PAX5: variants seen among roughly 807,000 people sequenced by gnomAD.
PAX5 encodes the protein paired box protein Pax-5.
Under a neutral mutation model 43.7 loss-of-function variants are expected in PAX5, and 9 were observed. That is an observed-to-expected ratio of 0.21 (90% CI 0.12 to 0.36). The LOEUF (loss-of-function observed/expected upper bound fraction) is 0.36. Ranked by LOEUF, PAX5 falls within the 10% of genes least tolerant of loss-of-function variation. The pLI is 1.00. For synonymous variants in PAX5, 228 were observed against 214.3 expected, an observed-to-expected ratio of 1.06 and a Z score of -0.56; for missense variants, 383 against 532.7, an observed-to-expected ratio of 0.72 and a Z score of 2.77.
chr9:36,887,364 G>A (rs993915670), intron 7 of PAX5, among the ~76,000 whole-genome samples: 10 of 152,160 alleles, frequency 6.6e-5, no homozygotes, highest in African/African-American at 1.7e-4. Context: ...TCTAGCATAC[G>A]ATGAAGGTAG....
rs529892018 is a variant in PAX5 at position 36,890,513 on chromosome 9, T to C, written c.911-8408A>G. 9.2e-5 allele frequency among the ~76,000 whole-genome samples: 14 copies of C among 152,312 alleles called. No homozygotes were observed. The South Asian group carries it at 2.9e-3, about 32-fold the overall frequency. ...AGGCAACACGGATTGCTGTGTGACC[T>C]CAGGTAAACTTCACCCCCTCTCTGG... On this transcript the variant is annotated intron_variant, in intron 7 of 9. Coordinates refer to ENST00000358127, the MANE Select transcript of PAX5 (RefSeq NM_016734.3).
chr9:36,842,698 T>C (rs961041008), intron 9 of PAX5, among the ~76,000 whole-genome samples: 6 of 152,184 alleles, frequency 3.9e-5, no homozygotes, highest in Admixed American at 3.3e-4. Context: ...GGTTCTGCTT[T>C]CTCTCTAATC....
chr9:36,968,087 GC>G (rs1834599076), intron 5 of PAX5, among the ~76,000 whole-genome samples: 1 of 152,218 alleles, frequency 6.6e-6, no homozygotes, highest in Non-Finnish European at 1.5e-5. Context: ...TATTGCTCAC[GC>G]AAGGCTGACC....
chr9:36,906,646 C>T (rs558405640), intron 7 of PAX5, among the ~76,000 whole-genome samples: 1 of 152,276 alleles, frequency 6.6e-6, no homozygotes, highest in South Asian at 2.1e-4. Context: ...ATGGAACATC[C>T]AAGACAGGCA....
Position 36,838,767 on chromosome 9 carries a change from AG to A in PAX5, c.*1792del, listed in dbSNP as rs1201617774. The A allele has an allele frequency of 4.7e-5, 11 of 233,126 alleles. No homozygotes were observed. Among genetic ancestry groups the A allele is most frequent in the African/African-American group, 1.8e-4 (8 of 45,290 alleles). The allele number at this position is 233,126 out of a possible 1,614,324, so 14.4% of individuals were successfully genotyped here. A position where few individuals can be genotyped will look rare whatever the true frequency, so the allele number is the denominator to read the frequency against. ...ACAGCCCCGGCTCCCTGGAGAGAGGAGGGGAAGGAAAGAGCTGTGGGGTGGC... is the reference window on the plus strand; with the variant it reads ...ACAGCCCCGGCTCCCTGGAGAGAGGAGGGAAGGAAAGAGCTGTGGGGTGGC... On this transcript the variant is annotated 3_prime_UTR_variant, in exon 10 of 10. Coordinates refer to ENST00000358127, the MANE Select transcript of PAX5 (RefSeq NM_016734.3).
chr9:36,982,355 G>A (rs946875351), intron 5 of PAX5, among the ~76,000 whole-genome samples: 1 of 152,224 alleles, frequency 6.6e-6, no homozygotes, highest in African/African-American at 2.4e-5. Flanking sequence ...GAATCCCTTG[G>A]TTCCAGCATT....
intron 6 of PAX5, among the ~76,000 whole-genome samples, chr9:36,943,101 C>T (rs923700462): frequency 6.6e-6 from 1 of 152,198 alleles, no homozygotes; most frequent in Non-Finnish European, 1.5e-5. Flanking sequence ...AGCTATTCTC[C>T]ATCTCAGTCC....
chr9:36,958,123 C>A (rs1464729224), intron 6 of PAX5, among the ~76,000 whole-genome samples: 1 of 152,176 alleles, frequency 6.6e-6, no homozygotes, highest in African/African-American at 2.4e-5. Flanking sequence ...GTCACAGTAG[C>A]CCTGCCCCTG....
At chr9:36,937,087 C>G (rs959467594) in intron 6 of PAX5, among the ~76,000 whole-genome samples, 2 of 152,128 alleles carry the variant, frequency 1.3e-5, no homozygotes, top group Non-Finnish European at 2.9e-5. Context: ...ATTCAGACTC[C>G]CTGGTTTGCC....
At chr9:36,975,742 A>G (rs1426976332) in intron 5 of PAX5, among the ~76,000 whole-genome samples, 1 of 152,214 alleles carries the variant, frequency 6.6e-6, no homozygotes, top group Non-Finnish European at 1.5e-5. Flanking sequence ...GAGTGGGATA[A>G]TAATAGTATC....
chr9:36,964,222 A>G (rs1445511239), intron 6 of PAX5, among the ~76,000 whole-genome samples: 1 of 151,860 alleles, frequency 6.6e-6, no homozygotes, highest in Non-Finnish European at 1.5e-5. Context: ...TGGAGCTTGC[A>G]GTGAGCCGAG....
chr9:36,896,061 G>C (rs1048554320), intron 7 of PAX5, among the ~76,000 whole-genome samples: 1 of 152,074 alleles, frequency 6.6e-6, no homozygotes, highest in African/African-American at 2.4e-5. Context: ...CCAACCCCAG[G>C]CCACCCACCA....
chr9:36,954,531 A>T (rs1278408605), intron 6 of PAX5, among the ~76,000 whole-genome samples: 1 of 152,170 alleles, frequency 6.6e-6, no homozygotes, highest in Non-Finnish European at 1.5e-5. Flanking sequence ...ACTATCTCTT[A>T]ACACTCGAAG....
chr9:36,884,233 T>C lies in PAX5; in HGVS notation c.911-2128A>G, dbSNP rs114521794. 6.4e-3 allele frequency among the ~76,000 whole-genome samples: 979 copies of C among 152,304 alleles called. 10 individuals carry two copies. Among genetic ancestry groups the C allele is most frequent in the African/African-American group, 0.022 (901 of 41,574 alleles). On this transcript the variant is annotated intron_variant, in intron 7 of 9. Coordinates refer to ENST00000358127, the MANE Select transcript of PAX5 (RefSeq NM_016734.3). The stretch of plus-strand genomic sequence containing the variant: ...AAAGACTAGTCTCACAATTTGTTAA[T>C]ATACATGTAAAAAGTCTACTATCAT...
At chr9:36,943,569 G>C (rs376710035) in intron 6 of PAX5, among the ~76,000 whole-genome samples, 207 of 76,512 alleles carry the variant, frequency 2.7e-3, no homozygotes, top group Non-Finnish European at 5.4e-3. Context: ...CACACACACA[G>C]CTACATATTT....
At chr9:36,999,077 G>T (rs1837633593) in intron 5 of PAX5, among the ~76,000 whole-genome samples, 1 of 152,102 alleles carries the variant, frequency 6.6e-6, no homozygotes, top group South Asian at 2.1e-4. Flanking sequence ...TGTTTCTTGA[G>T]CATCTGAGAC....
chr9:36,957,035 C>T (rs1833546787), intron 6 of PAX5, among the ~76,000 whole-genome samples: 1 of 149,892 alleles, frequency 6.7e-6, no homozygotes. Flanking sequence ...CACTTCCACC[C>T]TCTTATAGCT....
intron 6 of PAX5, among the ~76,000 whole-genome samples, chr9:36,937,407 A>G (rs1337028756): frequency 1.3e-5 from 2 of 152,186 alleles, no homozygotes; most frequent in African/African-American, 4.8e-5. Context: ...ACTAACCCCA[A>G]CAAGTTGCAG....
intron 8 of PAX5, among the ~76,000 whole-genome samples, chr9:36,878,437 G>A (rs146148292): frequency 6.6e-5 from 10 of 152,196 alleles, no homozygotes; most frequent in East Asian, 1.9e-4. Context: ...TCCCCCAGAG[G>A]GGGGGCCATC....
Sources: allele counts gnomAD v4.1 joint callset (sites outside exome capture counted in the v4.1 genomes callset), GRCh38; gene constraint gnomAD v4.1.1; transcripts MANE v1.5; gene names NCBI Gene and HGNC (gene_info 2026-07-23, HGNC 2026-07-21).